The following GRM5 variants were observed in gnomAD, a reference collection of about 807,000 sequenced individuals.
GRM5 encodes metabotropic glutamate receptor 5.
In GRM5, 19 loss-of-function variants were observed where a neutral mutation model predicts 83.1. That is an observed-to-expected ratio of 0.23 (90% CI 0.16 to 0.34). The LOEUF (loss-of-function observed/expected upper bound fraction) is 0.34, where lower values mean the gene tolerates loss of function less well. Among genes scored for constraint, GRM5 ranks in the 10% least tolerant of loss-of-function variants. The probability of loss-of-function intolerance (pLI) is 1.00; values close to 1 mark genes in which losing one functional copy is unlikely to be tolerated. For synonymous variants in GRM5, 675 were observed against 633.6 expected (o/e 1.07, Z -0.98); for missense variants, 1,160 against 1,588.3 (o/e 0.73, Z 4.58).
At chr11:88,679,702 C>T (rs1054021452) in intron 3 of GRM5, among the ~76,000 whole-genome samples, 5 of 152,060 alleles carry the variant, frequency 3.3e-5, no homozygotes, top group Non-Finnish European at 5.9e-5. Context: ...TTGAATTTGG[C>T]AATTCTGGAA....
intron 3 of GRM5, among the ~76,000 whole-genome samples, chr11:88,791,935 G>C (rs1269247812): frequency 1.3e-5 from 2 of 151,924 alleles, no homozygotes; most frequent in Non-Finnish European, 2.9e-5. Flanking sequence ...TTTTAGCTTA[G>C]CTGAAAAAAG....
At chr11:88,734,012 G>A (rs1012392583) in intron 3 of GRM5, among the ~76,000 whole-genome samples, 6 of 151,938 alleles carry the variant, frequency 3.9e-5, no homozygotes, top group Admixed American at 1.3e-4. Context: ...TATGGCGTAA[G>A]GGATGCTGGG....
intron 3 of GRM5, among the ~76,000 whole-genome samples, chr11:88,771,746 C>T (rs1272874909): frequency 6.6e-6 from 1 of 152,222 alleles, no homozygotes; most frequent in African/African-American, 2.4e-5. Context: ...CATTAATAAT[C>T]ACAATTATGT....
intron 2 of GRM5, among the ~76,000 whole-genome samples, chr11:89,023,849 CTAAA>C (rs71946693): frequency 0.43 from 57,515 of 133,870 alleles, 12,696 homozygotes; most frequent in Middle Eastern, 0.49. Context: ...GACTTCATCT[CTAAA>C]TAAATAAATA....
intron 2 of GRM5, among the ~76,000 whole-genome samples, chr11:88,929,274 T>C (rs1937631196): frequency 6.6e-6 from 1 of 152,062 alleles, no homozygotes. Context: ...ATTAAACTAT[T>C]AAACTAGTTA....
chr11:88,604,101 C>T (rs1004570959), intron 5 of GRM5, among the ~76,000 whole-genome samples: 3 of 151,898 alleles, frequency 2.0e-5, no homozygotes, highest in Admixed American at 2.0e-4. Flanking sequence ...ATGGTAAGTT[C>T]TGGGTACTTA....
intron 3 of GRM5, among the ~76,000 whole-genome samples, chr11:88,747,830 T>C (rs1565212478): frequency 6.6e-6 from 1 of 152,014 alleles, no homozygotes; most frequent in Non-Finnish European, 1.5e-5. Flanking sequence ...TTATTTTTTA[T>C]TAAAATCAAT....
intron 8 of GRM5, among the ~76,000 whole-genome samples, chr11:88,555,228 A>G (rs558238864): frequency 1.3e-5 from 2 of 152,276 alleles, no homozygotes; most frequent in Admixed American, 6.5e-5. Context: ...AAGTGAATCT[A>G]TGTTGTGATT....
chr11:88,593,144 A>G (rs973386722), intron 6 of GRM5, among the ~76,000 whole-genome samples: 2 of 152,196 alleles, frequency 1.3e-5, no homozygotes, highest in Non-Finnish European at 2.9e-5. Flanking sequence ...TATGAATAAC[A>G]ATATATAACA....
intron 8 of GRM5, among the ~76,000 whole-genome samples, chr11:88,556,389 C>A (rs1403238098): frequency 6.8e-6 from 1 of 147,934 alleles, no homozygotes; most frequent in African/African-American, 2.5e-5. Flanking sequence ...ATGGCGCAAT[C>A]TTGGCTCACT....
At chr11:89,046,917 T>TA (rs1007158926) in intron 2 of GRM5, among the ~76,000 whole-genome samples, 89 of 152,116 alleles carry the variant, frequency 5.9e-4, no homozygotes, top group African/African-American at 2.0e-3. Context: ...GTAATGAATA[T>TA]AAAAAATCAT....
At chr11:88,666,312 C>T (rs1940042352) in intron 3 of GRM5, among the ~76,000 whole-genome samples, 1 of 152,138 alleles carries the variant, frequency 6.6e-6, no homozygotes, top group African/African-American at 2.4e-5. Context: ...GGGCATGCCT[C>T]TAGCTTCTGG....
chr11:89,010,570 G>A (rs184936978), intron 2 of GRM5, among the ~76,000 whole-genome samples: 2,690 of 151,880 alleles, frequency 0.018, 82 homozygotes, highest in African/African-American at 0.062. Flanking sequence ...TTGTTAAAAT[G>A]ATATATAGCT....
At chr11:88,601,414 T>C (rs543627913) in intron 5 of GRM5, among the ~76,000 whole-genome samples, 2 of 152,224 alleles carry the variant, frequency 1.3e-5, no homozygotes, top group East Asian at 3.9e-4. Context: ...TCTCATTCTC[T>C]TTCTCTCTCT....
chr11:88,859,382 G>A (rs1015684352), intron 2 of GRM5, among the ~76,000 whole-genome samples: 3 of 151,176 alleles, frequency 2.0e-5, no homozygotes, highest in Admixed American at 6.6e-5. Flanking sequence ...CTGAATACAG[G>A]ATTTTTTTAT....
chr11:88,955,333 A>G (rs1239061637), intron 2 of GRM5, among the ~76,000 whole-genome samples: 2 of 152,238 alleles, frequency 1.3e-5, no homozygotes, highest in Non-Finnish European at 2.9e-5. Context: ...CAATGACACT[A>G]AAAGATCTTA....
At chr11:88,958,172 T>A (rs1358367101) in intron 2 of GRM5, among the ~76,000 whole-genome samples, 3 of 151,648 alleles carry the variant, frequency 2.0e-5, no homozygotes, top group African/African-American at 7.3e-5. Flanking sequence ...ACAGGTCCTC[T>A]CCAGTTTTCC....
At chr11:88,998,846 A>G (rs1940277808) in intron 2 of GRM5, among the ~76,000 whole-genome samples, 1 of 152,234 alleles carries the variant, frequency 6.6e-6, no homozygotes, top group Non-Finnish European at 1.5e-5. Flanking sequence ...AAAATGGTGT[A>G]TAAATCTACA....
intron 3 of GRM5, among the ~76,000 whole-genome samples, chr11:88,815,741 T>G (rs79228668): frequency 0.034 from 5,168 of 152,274 alleles, 245 homozygotes; most frequent in Admixed American, 0.15. Context: ...GAGAACTCAC[T>G]CATCTCTGAC....
Sources: allele counts gnomAD v4.1 joint callset (sites outside exome capture counted in the v4.1 genomes callset), GRCh38; gene constraint gnomAD v4.1.1; transcripts MANE v1.5; gene names NCBI Gene and HGNC (gene_info 2026-07-23, HGNC 2026-07-21).